Variants in SLC10A7 observed in about 807,000 individuals in gnomAD.
SLC10A7 encodes sodium/bile acid cotransporter 7.
In SLC10A7, 29 loss-of-function variants were observed where a neutral mutation model predicts 43.2. The ratio of observed to expected loss-of-function variants is 0.67; its 90% confidence interval spans 0.50 to 0.92. The LOEUF (loss-of-function observed/expected upper bound fraction) is 0.92, where lower values mean the gene tolerates loss of function less well. Ranked by LOEUF, SLC10A7 falls within the 40% of genes least tolerant of loss-of-function variation. The pLI is 0.00. For synonymous variants in SLC10A7, 152 were observed against 144.8 expected, an observed-to-expected ratio of 1.05 and a Z score of -0.35; for missense variants, 295 against 403.2, an observed-to-expected ratio of 0.73 and a Z score of 2.30.
At chr4:146,343,878 G>C (rs1166950346) in intron 5 of SLC10A7, among the ~76,000 whole-genome samples, 1 of 151,926 alleles carries the variant, frequency 6.6e-6, no homozygotes, top group Non-Finnish European at 1.5e-5. Context: ...CTCATCTAAA[G>C]GAATTTTTTA....
At chr4:146,410,164 A>G (rs1037007589) in intron 5 of SLC10A7, among the ~76,000 whole-genome samples, 3 of 152,174 alleles carry the variant, frequency 2.0e-5, no homozygotes, top group African/African-American at 7.2e-5. Flanking sequence ...GAGGCCTAAT[A>G]AGTTAGATGA....
chr4:146,381,465 G>A (rs940250005), intron 5 of SLC10A7, among the ~76,000 whole-genome samples: 36 of 152,054 alleles, frequency 2.4e-4, no homozygotes, highest in African/African-American at 8.2e-4. Flanking sequence ...ACTGTTATGG[G>A]ATGCTTCAAT....
At chr4:146,287,344 T>C (rs899152261) in intron 9 of SLC10A7, among the ~76,000 whole-genome samples, 1 of 152,136 alleles carries the variant, frequency 6.6e-6, no homozygotes, top group Non-Finnish European at 1.5e-5. Flanking sequence ...AAATACCTGA[T>C]GAACATAGGT....
At position 146,451,231 on chromosome 4, in the gene SLC10A7, C is replaced by CAAAAAAAA. The variant is rs572993886; in HGVS notation, c.397-8418_397-8411dup. 1.1e-4 allele frequency among the ~76,000 whole-genome samples: 8 copies of CAAAAAAAA among 71,692 alleles called. 1 individual carries two copies. Among genetic ancestry groups the CAAAAAAAA allele is most frequent in the East Asian group, 4.4e-4 (1 of 2,264 alleles). 47.0% of individuals were successfully genotyped at this position (71,692 alleles called of 152,430 possible). On this transcript the variant is annotated intron_variant, in intron 4 of 11. Transcript: ENST00000335472. ...CAAGGCTGAATCAGAAGTCTCCCAC[C>CAAAAAAAA]AAAAAAAAAAAAAAAAAAACAAAAA...
At chr4:146,313,506 C>T (rs181828510) in intron 6 of SLC10A7, among the ~76,000 whole-genome samples, 1 of 152,202 alleles carries the variant, frequency 6.6e-6, no homozygotes, top group Non-Finnish European at 1.5e-5. Flanking sequence ...TGTGAAGCAA[C>T]TGAGACAATC....
intron 5 of SLC10A7, among the ~76,000 whole-genome samples, chr4:146,375,103 G>T (rs1737095121): frequency 6.6e-6 from 1 of 152,212 alleles, no homozygotes; most frequent in Non-Finnish European, 1.5e-5. Flanking sequence ...CTACTCAGGA[G>T]GCTGAGGCAG....
At chr4:146,436,275 T>G (rs1579182528) in intron 5 of SLC10A7, among the ~76,000 whole-genome samples, 1 of 152,280 alleles carries the variant, frequency 6.6e-6, no homozygotes, top group African/African-American at 2.4e-5. Flanking sequence ...TTTTATTAAG[T>G]AACAAAGACC....
At chr4:146,388,831 A>T (rs1239975181) in intron 5 of SLC10A7, among the ~76,000 whole-genome samples, 1 of 152,122 alleles carries the variant, frequency 6.6e-6, no homozygotes. Context: ...ACATTGACAT[A>T]GGCAAAGAAT....
intron 5 of SLC10A7, among the ~76,000 whole-genome samples, chr4:146,363,902 G>T (rs1422852311): frequency 6.6e-6 from 1 of 151,622 alleles, no homozygotes; most frequent in African/African-American, 2.4e-5. Flanking sequence ...CAAACAAGGA[G>T]AAAAACTTCA....
At chr4:146,382,910 A>G (rs1279619606) in intron 5 of SLC10A7, among the ~76,000 whole-genome samples, 1 of 151,644 alleles carries the variant, frequency 6.6e-6, no homozygotes, top group Non-Finnish European at 1.5e-5. Context: ...GAATTATATC[A>G]GTATTGGGGG....
chr4:146,263,763 T>C (rs920960121), intron 10 of SLC10A7, among the ~76,000 whole-genome samples: 8 of 152,244 alleles, frequency 5.3e-5, no homozygotes, highest in Admixed American at 3.9e-4. Flanking sequence ...AAAATGTTTA[T>C]AAAACATTAA....
chr4:146,290,083 G>C (rs1235979513), intron 9 of SLC10A7, among the ~76,000 whole-genome samples: 5 of 150,130 alleles, frequency 3.3e-5, no homozygotes, highest in Non-Finnish European at 7.4e-5. Context: ...CCAGCACTTT[G>C]GGAGGCCAAG....
chr4:146,268,773 C>T (rs1382602099), intron 10 of SLC10A7, among the ~76,000 whole-genome samples: 1 of 152,164 alleles, frequency 6.6e-6, no homozygotes, highest in African/African-American at 2.4e-5. Flanking sequence ...GGTGTGAATA[C>T]AGACAGACTA....
chr4:146,455,723 A>G (rs1481609824), intron 4 of SLC10A7, among the ~76,000 whole-genome samples: 3 of 151,974 alleles, frequency 2.0e-5, no homozygotes, highest in African/African-American at 4.8e-5. Context: ...GACTATACTG[A>G]AATCACAGAT....
intron 5 of SLC10A7, among the ~76,000 whole-genome samples, chr4:146,339,720 G>C (rs1578925419): frequency 6.6e-6 from 1 of 151,196 alleles, no homozygotes; most frequent in Non-Finnish European, 1.5e-5. Flanking sequence ...TTTTCTCCAA[G>C]CCTAATCTAC....
intron 6 of SLC10A7, 117 bp from the exon 7 acceptor site, chr4:146,306,126 T>C: frequency 1.5e-6 from 1 of 648,634 alleles, no homozygotes; most frequent in Admixed American, 4.1e-5. Flanking sequence ...GGTAGCTATC[T>C]ACAAAGAATA....
chr4:146,411,986 A>G (rs1334681545), intron 5 of SLC10A7, among the ~76,000 whole-genome samples: 1 of 152,178 alleles, frequency 6.6e-6, no homozygotes, highest in Non-Finnish European at 1.5e-5. Context: ...AACTACCTGA[A>G]ACTTCATATG....
At chr4:146,312,351 T>C (rs1271717321) in intron 6 of SLC10A7, among the ~76,000 whole-genome samples, 1 of 152,196 alleles carries the variant, frequency 6.6e-6, no homozygotes, top group Non-Finnish European at 1.5e-5. Flanking sequence ...GATGTTTTGA[T>C]ATACATATAT....
intron 6 of SLC10A7, among the ~76,000 whole-genome samples, chr4:146,320,496 AAGATAGGAGCTGTTAATCAG>A: frequency 6.6e-6 from 1 of 152,124 alleles, no homozygotes; most frequent in South Asian, 2.1e-4. Context: ...AATAAATCAT[AAGATAGGAGCTGTTAATCAG>A]AGAGGACATT....
Sources: allele counts gnomAD v4.1 joint callset (sites outside exome capture counted in the v4.1 genomes callset), GRCh38; gene constraint gnomAD v4.1.1; transcripts MANE v1.5; gene names NCBI Gene and HGNC (gene_info 2026-07-23, HGNC 2026-07-21).